Variants in LRRC4C observed in about 807,000 individuals in gnomAD.
The protein encoded by LRRC4C is leucine rich repeat containing 4C, also known as leucine-rich repeat-containing protein 4C.
In LRRC4C, 5 loss-of-function variants were observed where a neutral mutation model predicts 33.6. The ratio of observed to expected loss-of-function variants is 0.15; its 90% CI spans 0.08 to 0.31. The LOEUF is 0.31. Among genes scored for constraint, LRRC4C ranks in the 10% least tolerant of loss-of-function variants. The pLI is 1.00. For missense variants in LRRC4C, 560 were observed against 796.7 expected (o/e 0.70, Z 3.58); for synonymous variants, 329 against 302.0 (o/e 1.09, Z -0.93).
At chr11:40,177,143 C>T (rs780377764) in intron 5 of LRRC4C, among the ~76,000 whole-genome samples, 25 of 151,738 alleles carry the variant, frequency 1.6e-4, no homozygotes, top group Admixed American at 3.9e-4. Context: ...TTAGAGGAGA[C>T]GGGGTTTCAT....
At chr11:41,285,285 A>G (rs1001095068) in intron 1 of LRRC4C, among the ~76,000 whole-genome samples, 3 of 152,192 alleles carry the variant, frequency 2.0e-5, no homozygotes, top group Non-Finnish European at 4.4e-5. Flanking sequence ...ATTGATTTAC[A>G]CATGTATTTC....
intron 2 of LRRC4C, among the ~76,000 whole-genome samples, chr11:40,793,985 T>C (rs1357196873): frequency 6.6e-6 from 1 of 152,178 alleles, no homozygotes; most frequent in Non-Finnish European, 1.5e-5. Context: ...ATAAACTCAC[T>C]AGACTTCATA....
At chr11:40,511,421 A>C (rs182899116) in intron 3 of LRRC4C, among the ~76,000 whole-genome samples, 2 of 152,358 alleles carry the variant, frequency 1.3e-5, no homozygotes, top group Non-Finnish European at 2.9e-5. Flanking sequence ...GATAATTCAT[A>C]GGAAGCAGAA....
intron 1 of LRRC4C, among the ~76,000 whole-genome samples, chr11:41,147,024 T>C (rs1190276912): frequency 2.6e-5 from 4 of 152,250 alleles, no homozygotes; most frequent in African/African-American, 9.6e-5. Flanking sequence ...GATTCCAGTT[T>C]TTAAAAAATC....
intron 1 of LRRC4C, among the ~76,000 whole-genome samples, chr11:41,213,551 CA>C (rs1360255983): frequency 6.6e-6 from 1 of 152,192 alleles, no homozygotes; most frequent in African/African-American, 2.4e-5. Context: ...GAATGGGTCA[CA>C]GCAAAAGATT....
At chr11:40,579,319 C>G (rs1312351483) in intron 3 of LRRC4C, among the ~76,000 whole-genome samples, 1 of 133,072 alleles carries the variant, frequency 7.5e-6, no homozygotes, top group East Asian at 2.1e-4. Flanking sequence ...GAGTGAGACT[C>G]TGTTAAAAAA....
chr11:40,672,220 C>G (rs934848947), intron 2 of LRRC4C, among the ~76,000 whole-genome samples: 1 of 152,144 alleles, frequency 6.6e-6, no homozygotes, highest in African/African-American at 2.4e-5. Flanking sequence ...AGATGATGCC[C>G]TCTCACTGTG....
At chr11:40,325,487 G>T (rs951774932) in intron 3 of LRRC4C, among the ~76,000 whole-genome samples, 3 of 152,110 alleles carry the variant, frequency 2.0e-5, no homozygotes, top group African/African-American at 4.8e-5. Flanking sequence ...AAATAGCCAA[G>T]TTTGGTGGCA....
chr11:41,254,549 T>C (rs1394447508), intron 1 of LRRC4C, among the ~76,000 whole-genome samples: 2 of 152,066 alleles, frequency 1.3e-5, no homozygotes, highest in Non-Finnish European at 2.9e-5. Flanking sequence ...AGAAGTCACA[T>C]TTTATGAGTT....
chr11:40,115,638 T>A lies in LRRC4C; in HGVS notation c.655A>T (p.Ile219Leu). ...GAAAGATCCAGCTCATCTAGTTTTA[T>A]GAGCGGTGTGAGGTTAGGGATTTCC... ...LREIPNLTPL[I>L]KLDELDLSGN... Residue 219 changes from isoleucine (I) to leucine (L), a missense_variant, in exon 7 of 7, where the codon ATA becomes TTA. Ile to Leu is a conservative substitution (Grantham distance 5). Transcript: ENST00000528697. This position sits in a 1 kb window ranked among gnomAD's most constrained non-coding sequence, Gnocchi z 6.7. The A allele has an allele frequency of 6.2e-7, 1 of 1,614,188 alleles. No individual in the cohort carries two copies.
intron 4 of LRRC4C, among the ~76,000 whole-genome samples, chr11:40,318,269 T>A (rs1044444058): frequency 5.9e-5 from 9 of 151,892 alleles, no homozygotes; most frequent in African/African-American, 2.2e-4. Context: ...ATGGTCTAAT[T>A]TATTATTATT....
At chr11:41,093,245 C>T (rs1940557356) in intron 1 of LRRC4C, among the ~76,000 whole-genome samples, 1 of 152,202 alleles carries the variant, frequency 6.6e-6, no homozygotes, top group Admixed American at 6.5e-5. Context: ...GCAAAACAGA[C>T]ACATGTAGCC....
intron 2 of LRRC4C, among the ~76,000 whole-genome samples, chr11:40,766,570 A>T (rs953784128): frequency 3.3e-5 from 5 of 151,916 alleles, no homozygotes; most frequent in Non-Finnish European, 7.4e-5. Flanking sequence ...AGACTATATA[A>T]AAAGATATAC....
At chr11:40,223,009 A>G (rs1864530111) in intron 5 of LRRC4C, among the ~76,000 whole-genome samples, 1 of 142,544 alleles carries the variant, frequency 7.0e-6, no homozygotes, top group African/African-American at 2.6e-5. Flanking sequence ...GCAAAGGCAT[A>G]TGTAAGTAAA....
intron 3 of LRRC4C, among the ~76,000 whole-genome samples, chr11:40,366,993 CAT>C (rs1389337601): frequency 6.6e-6 from 1 of 152,062 alleles, no homozygotes; most frequent in South Asian, 2.1e-4. Flanking sequence ...GTTTCTGAGA[CAT>C]AGAGAAATGC....
chr11:41,045,480 C>T (rs1352353219), intron 1 of LRRC4C, among the ~76,000 whole-genome samples: 2 of 152,122 alleles, frequency 1.3e-5, no homozygotes, highest in Admixed American at 6.6e-5. Context: ...GACAGAAGGA[C>T]GAGTTGACGT....
In LRRC4C at chr11:40,751,443, T is replaced by C. The variant is rs185217087; in HGVS notation, c.-406-103165A>G. Among the ~76,000 whole-genome samples the C allele has an allele frequency of 8.6e-4, 131 of 152,128 alleles. No homozygotes were observed. In the Middle Eastern group the frequency reaches 0.01, roughly 12 times the overall value. On this transcript the variant is annotated intron_variant, in intron 2 of 6. Transcript: ENST00000528697. ...TTGAAGGATACAAAGTTAACAATAG[T>C]CAGTAATGTTTGTAAACACTAATAA... is the stretch of plus-strand genomic sequence containing the variant.
chr11:41,444,806 A>T (rs1334005431), intron 1 of LRRC4C, among the ~76,000 whole-genome samples: 1 of 146,574 alleles, frequency 6.8e-6, no homozygotes, highest in Non-Finnish European at 1.5e-5. Context: ...GTCTAACTTA[A>T]TTTTTTTTTT....
At chr11:40,914,213 C>T (rs1044116467) in intron 2 of LRRC4C, among the ~76,000 whole-genome samples, 4 of 152,248 alleles carry the variant, frequency 2.6e-5, no homozygotes, top group Non-Finnish European at 4.4e-5. Context: ...CAGCATCATC[C>T]TGATACCAAA....
Sources: gnomAD v4.1 joint callset for allele counts (sites outside exome capture counted in the v4.1 genomes callset) on GRCh38, gnomAD v4.1.1 for gene constraint, Gnocchi (gnomAD v3.1) non-coding constraint, MANE v1.5 for transcripts, NCBI Gene and HGNC (gene_info 2026-07-23, HGNC 2026-07-21) for gene names.